ASAP1: variants seen among roughly 807,000 people sequenced by gnomAD.
The protein encoded by ASAP1 is ArfGAP with SH3 domain, ankyrin repeat and PH domain 1, also known as arf-GAP with SH3 domain, ANK repeat and PH domain-containing protein 1.
A neutral mutation model predicts 145.2 loss-of-function variants in ASAP1; 43 were observed. That is an observed-to-expected ratio of 0.30 (90% CI 0.23 to 0.38). ASAP1 has a LOEUF of 0.38. Ranked by LOEUF, ASAP1 falls within the 10% of genes least tolerant of loss-of-function variation. The pLI, the probability that ASAP1 is intolerant of heterozygous loss-of-function variation, is 1.00. For synonymous variants in ASAP1, 546 were observed against 515.5 expected, an observed-to-expected ratio of 1.06 and a Z score of -0.80; for missense variants, 1,018 against 1,355.3, an observed-to-expected ratio of 0.75 and a Z score of 3.91.
chr8:130,408,254 G>A (rs1419131823), intron 1 of ASAP1, among the ~76,000 whole-genome samples: 1 of 152,232 alleles, frequency 6.6e-6, no homozygotes. Context: ...TTCTGGTTGT[G>A]TCTGTGAGGG....
At chr8:130,280,167 G>T (rs1422553492) in intron 3 of ASAP1, among the ~76,000 whole-genome samples, 1 of 152,206 alleles carries the variant, frequency 6.6e-6, no homozygotes, top group Non-Finnish European at 1.5e-5. Flanking sequence ...AAGTAGCCCA[G>T]CTGGAACTGA....
rs144126241 is a variant in ASAP1, at chr8:130,053,123, A to G, written c.*1608T>C. The G allele has an allele frequency of 6.6e-6, 1 of 152,386 alleles. No individual in the cohort carries two copies. Among genetic ancestry groups the G allele is most frequent in the East Asian group, 1.9e-4 (1 of 5,192 alleles). 9.4% of individuals were successfully genotyped at this position (152,386 alleles called of 1,614,324 possible). A position where few individuals can be genotyped will look rare whatever the true frequency, so the allele number is the denominator to read the frequency against. On this transcript the variant is annotated 3_prime_UTR_variant, in exon 30 of 30. Coordinates refer to ENST00000518721, the MANE Select transcript of ASAP1 (RefSeq NM_018482.4). ...GTATAGCAACCACTTAAGCAGAACT[A>G]AATTAATATTCACTGAGCACTGTAA...
chr8:130,245,419 C>T (rs1209288912), intron 3 of ASAP1, among the ~76,000 whole-genome samples: 1 of 152,148 alleles, frequency 6.6e-6, no homozygotes, highest in East Asian at 1.9e-4. Context: ...CAGGAAAGAT[C>T]TGTAAATCCT....
At chr8:130,169,185 T>C (rs893810708) in intron 9 of ASAP1, 118 bp from the exon 10 acceptor site, 1 of 599,182 alleles carries the variant, frequency 1.7e-6, no homozygotes, top group African/African-American at 1.9e-5. Context: ...AATACACTTA[T>C]CTGTATATAT....
chr8:130,077,237 A>C lies in ASAP1; in HGVS notation c.2643-831T>G, dbSNP rs557169425. 3.9e-5 allele frequency among the ~76,000 whole-genome samples: 6 copies of C among 152,366 alleles called. 1 individual carries two copies. Among genetic ancestry groups the C allele is most frequent in the Middle Eastern group, 3.4e-3 (1 of 294 alleles). On this transcript the variant is annotated intron_variant, in intron 26 of 29. Coordinates refer to ENST00000518721, the MANE Select transcript of ASAP1 (RefSeq NM_018482.4). ...CTTGCTTTCCTTTTGGAGGACAGGTAAATGAGGGTGACAAAGGCCCAAGTC... is the reference window on the plus strand; with the variant it reads ...CTTGCTTTCCTTTTGGAGGACAGGTCAATGAGGGTGACAAAGGCCCAAGTC...
chr8:130,320,940 A>G (rs1823965347), intron 3 of ASAP1, among the ~76,000 whole-genome samples: 1 of 152,232 alleles, frequency 6.6e-6, no homozygotes, highest in Non-Finnish European at 1.5e-5. Context: ...TAAACAACTA[A>G]CGGGCTAGCC....
chr8:130,163,023 A>AAC (rs1373056412), intron 11 of ASAP1: 2 of 169,776 alleles, frequency 1.2e-5, no homozygotes, highest in Non-Finnish European at 2.6e-5. Flanking sequence ...AAATGGGCCT[A>AAC]ACACTGCCAC....
chr8:130,275,458 G>A (rs1405214219), intron 3 of ASAP1, among the ~76,000 whole-genome samples: 1 of 152,190 alleles, frequency 6.6e-6, no homozygotes, highest in Non-Finnish European at 1.5e-5. Flanking sequence ...AGTCCCCTGA[G>A]GCGTCCCAGC....
Position 130,258,180 on chromosome 8 carries a change from A to ATTATG in ASAP1, c.187-21187_187-21186insCATAA, listed in dbSNP as rs1254666005. Among the ~76,000 whole-genome samples the ATTATG allele has an allele frequency of 2.0e-4, 31 of 152,272 alleles. 1 individual carries two copies. The East Asian group carries it at 5.8e-3, about 28-fold the overall frequency. On this transcript the variant is annotated intron_variant, in intron 3 of 29. Coordinates refer to ENST00000518721, the MANE Select transcript of ASAP1 (RefSeq NM_018482.4). ...AACCAGTTTGCTGACACCTGGCCCC[A>ATTATG]GCTCCATAATGGAAGACGTTAGGGC...
chr8:130,253,696 TGAA>T (rs1242229444), intron 3 of ASAP1, among the ~76,000 whole-genome samples: 3 of 152,204 alleles, frequency 2.0e-5, no homozygotes, highest in Non-Finnish European at 2.9e-5. Flanking sequence ...TGTATATAGA[TGAA>T]GACGAAATGC....
rs927073638 is a variant in ASAP1 at position 130,358,722 on chromosome 8, G to A, written c.60-579C>T. On this transcript the variant is annotated intron_variant, in intron 2 of 29. Coordinates refer to ENST00000518721, the MANE Select transcript of ASAP1 (RefSeq NM_018482.4). This position sits in a 1 kb window ranked among gnomAD's most constrained non-coding sequence, Gnocchi z 4.1. ...CCGCCCCCCCGGTCCCTCCCCGCCC[G>A]CGCCCCGCCCCCGGCCCGGCCCCCG... Among the ~76,000 whole-genome samples, 1 of 13,010 alleles carries A rather than the reference G, an allele frequency of 7.7e-5. No homozygotes were observed. Among genetic ancestry groups the A allele is most frequent in the Non-Finnish European group, 1.5e-4 (1 of 6,648 alleles). 8.5% of individuals were successfully genotyped at this position (13,010 alleles called of 152,430 possible).
intron 2 of ASAP1, among the ~76,000 whole-genome samples, chr8:130,361,378 TAC>T (rs1826701619): frequency 6.6e-6 from 1 of 152,196 alleles, no homozygotes; most frequent in Non-Finnish European, 1.5e-5. Flanking sequence ...GACTTGTGTA[TAC>T]AGTCAGCTCT....
intron 27 of ASAP1, among the ~76,000 whole-genome samples, chr8:130,068,212 A>G (rs1240295423): frequency 6.6e-6 from 1 of 152,220 alleles, no homozygotes; most frequent in Admixed American, 6.5e-5. Context: ...ATCCCTGGTT[A>G]TTGTTGTCTA....
At chr8:130,154,734 A>G (rs2097654553) in intron 12 of ASAP1, among the ~76,000 whole-genome samples, 1 of 152,266 alleles carries the variant, frequency 6.6e-6, no homozygotes, top group Non-Finnish European at 1.5e-5. Context: ...GTTCTAAAGC[A>G]TGCTTCACAG....
intron 15 of ASAP1, among the ~76,000 whole-genome samples, chr8:130,129,159 C>A (rs905259481): frequency 6.6e-6 from 1 of 152,218 alleles, no homozygotes; most frequent in Admixed American, 6.5e-5. Context: ...TGCTGCCCTT[C>A]CACCATAATT....
intron 3 of ASAP1, among the ~76,000 whole-genome samples, chr8:130,332,083 A>G (rs1162892662): frequency 1.3e-5 from 2 of 152,198 alleles, no homozygotes; most frequent in African/African-American, 2.4e-5. Flanking sequence ...CCTCTCTTGG[A>G]GGCCTGTTAA....
rs1164771163 is a variant in ASAP1 at position 130,085,378 on chromosome 8, C to T, written c.2573-5407G>A. 3.3e-5 allele frequency among the ~76,000 whole-genome samples: 5 copies of T among 152,212 alleles called. No homozygotes were observed. The South Asian group carries it at 8.3e-4, about 25-fold the overall frequency. Reference sequence around the variant, plus strand: ...TTGCTACCTTTATTCTCCCTTTGTCCTCATTTCTTATTATTTAAATTGTGT... The same window carrying T: ...TTGCTACCTTTATTCTCCCTTTGTCTTCATTTCTTATTATTTAAATTGTGT... On this transcript the variant is annotated intron_variant, in intron 25 of 29. Coordinates refer to ENST00000518721, the MANE Select transcript of ASAP1 (RefSeq NM_018482.4).
chr8:130,334,467 A>T (rs1824908142), intron 3 of ASAP1, among the ~76,000 whole-genome samples: 1 of 152,218 alleles, frequency 6.6e-6, no homozygotes. Context: ...TCTCTTTTTA[A>T]CTTTTAAACC....
intron 3 of ASAP1, among the ~76,000 whole-genome samples, chr8:130,335,754 A>G (rs1379010763): frequency 1.3e-5 from 2 of 152,326 alleles, no homozygotes; most frequent in East Asian, 1.9e-4. Flanking sequence ...TCAGGGAGAG[A>G]TAGTCTGAGG....
Sources: allele counts gnomAD v4.1 joint callset (sites outside exome capture counted in the v4.1 genomes callset), GRCh38; gene constraint gnomAD v4.1.1; non-coding constraint Gnocchi (gnomAD v3.1); transcripts MANE v1.5; gene names NCBI Gene and HGNC (gene_info 2026-07-23, HGNC 2026-07-21).